CEP63: variants seen among roughly 807,000 people sequenced by gnomAD.
CEP63 encodes the protein centrosomal protein 63.
In CEP63, 84 loss-of-function variants were observed where a neutral mutation model predicts 89.1. The ratio of observed to expected loss-of-function variants is 0.94; its 90% CI spans 0.79 to 1.13. The LOEUF (loss-of-function observed/expected upper bound fraction) is 1.13, where lower values mean the gene tolerates loss of function less well. Among genes scored for constraint, CEP63 ranks in the 50% most tolerant of loss-of-function variants. The pLI, the probability that CEP63 is intolerant of heterozygous loss-of-function variation, is 0.00. For synonymous variants in CEP63, 267 were observed against 272.5 expected (o/e 0.98, Z 0.20); for missense variants, 838 against 813.3 (o/e 1.03, Z -0.37).
chr3:134,579,595 A>G (rs905435513), downstream of CEP63, among the ~76,000 whole-genome samples: 1 of 152,250 alleles, frequency 6.6e-6, no homozygotes, highest in Admixed American at 6.5e-5. Context: ...GGTGAAATGT[A>G]CATTCAAACC....
chr3:134,629,816 T>C, the CEP63 span: 1 of 655,742 alleles, frequency 1.5e-6, no homozygotes, highest in East Asian at 2.8e-5. Context: ...TGTGTACAAA[T>C]CATCCTTGTT....
the CEP63 span, among the ~76,000 whole-genome samples, chr3:134,742,900 A>C: frequency 6.6e-6 from 1 of 152,232 alleles, no homozygotes; most frequent in Non-Finnish European, 1.5e-5. Context: ...GTTCATTATA[A>C]ATTACCCAGT....
chr3:134,498,226 T>C (rs1266552853), intron 2 of CEP63, among the ~76,000 whole-genome samples: 3 of 152,098 alleles, frequency 2.0e-5, no homozygotes, highest in Non-Finnish European at 4.4e-5. Flanking sequence ...GTATCTTCAA[T>C]TTCCTTCATT....
intron 1 of CEP63, among the ~76,000 whole-genome samples, chr3:134,487,324 G>T (rs1312439317): frequency 6.6e-6 from 1 of 152,140 alleles, no homozygotes; most frequent in Non-Finnish European, 1.5e-5. Context: ...AGTGATCAGG[G>T]TAGTAAAAAG....
chr3:134,610,094 T>TCCCCTC, the CEP63 span: 8 of 1,305,262 alleles, frequency 6.1e-6, no homozygotes, highest in Non-Finnish European at 8.6e-6. Flanking sequence ...TGGCTCTCCT[T>TCCCCTC]CCCCTCCCGC....
chr3:134,730,612 T>C, the CEP63 span, among the ~76,000 whole-genome samples: 1 of 152,264 alleles, frequency 6.6e-6, no homozygotes, highest in East Asian at 1.9e-4. Flanking sequence ...GTGCAATTGA[T>C]AGAAAAACAA....
At chr3:134,604,018 T>C in the CEP63 span, 1 of 1,613,992 alleles carries the variant, frequency 6.2e-7, no homozygotes, top group Non-Finnish European at 8.5e-7. Context: ...CTTCTCCCGG[T>C]GCAGCTGGAA....
chr3:134,556,777 C>T (rs1051227232), intron 12 of CEP63, among the ~76,000 whole-genome samples: 10 of 152,094 alleles, frequency 6.6e-5, no homozygotes, highest in South Asian at 2.1e-4. Context: ...GATGTGTGCT[C>T]GCTACTCAGT....
At chr3:134,536,913 TG>T (rs1348139512) in intron 5 of CEP63, 2 of 480,652 alleles carry the variant, frequency 4.2e-6, no homozygotes, top group African/African-American at 3.9e-5. Flanking sequence ...AACATCTGCG[TG>T]TCATACTCCT....
In CEP63 at chr3:134,586,782, G is replaced by A. The variant is rs560279748; in HGVS notation, c.1207-676G>A. Among the ~76,000 whole-genome samples the A allele has an allele frequency of 3.3e-5, 5 of 152,258 alleles. No individual in the cohort carries two copies. The South Asian group carries it at 8.3e-4, about 25-fold the overall frequency. ...GTTCTCCTGTATAATATCCTGAAGA[G>A]TGTTTTCGAACTTGGTTCCATTCTC... On this transcript the variant is annotated intron_variant, in intron 10 of 10. Transcript: ENST00000683931.
the CEP63 span, among the ~76,000 whole-genome samples, chr3:134,742,507 T>G: frequency 6.6e-6 from 1 of 152,356 alleles, no homozygotes; most frequent in South Asian, 2.1e-4. Context: ...GCCAGTTTTC[T>G]GAGTGGTCTC....
chr3:134,597,430 C>T, the CEP63 span, among the ~76,000 whole-genome samples: 1 of 152,160 alleles, frequency 6.6e-6, no homozygotes, highest in African/African-American at 2.4e-5. Context: ...GAACCCTCAC[C>T]CAGTCTTTCC....
At chr3:134,661,866 G>A in the CEP63 span, among the ~76,000 whole-genome samples, 2 of 152,044 alleles carry the variant, frequency 1.3e-5, no homozygotes, top group African/African-American at 4.8e-5. Flanking sequence ...ATATCAAGAG[G>A]TGGAGGCTTT....
downstream of CEP63, among the ~76,000 whole-genome samples, chr3:134,569,482 CAAATCTT>C (rs1037592364): frequency 3.3e-5 from 5 of 152,238 alleles, no homozygotes; most frequent in Non-Finnish European, 7.3e-5. Flanking sequence ...GCGGGGCAGT[CAAATCTT>C]AAAGCTCCAA....
the CEP63 span, among the ~76,000 whole-genome samples, chr3:134,701,404 ATATACACACATATATATACG>A: frequency 3.8e-4 from 8 of 20,928 alleles, no homozygotes; most frequent in Admixed American, 1.5e-3. Flanking sequence ...GTATATATAC[ATATACACACATATATATACG>A]TATATATGTG....
At chr3:134,590,466 AT>A (rs1369216231), downstream of CEP63, among the ~76,000 whole-genome samples, 1 of 152,206 alleles carries the variant, frequency 6.6e-6, no homozygotes, top group Non-Finnish European at 1.5e-5. Context: ...ATACCTGCAA[AT>A]ACCCAGAAAC....
At chr3:134,642,523 A>G in the CEP63 span, among the ~76,000 whole-genome samples, 1 of 110,582 alleles carries the variant, frequency 9.0e-6, no homozygotes, top group African/African-American at 2.8e-5. Context: ...GTGTGCTCAG[A>G]TCCAGTCAAC....
chr3:134,562,275 G>C lies in CEP63; in HGVS notation c.*740G>C. ...TTGATGTGCCGCAGGCATTTGAAACGATGGGAGTTGATAAGATCCACCAGG... is the reference window on the plus strand; with the variant it reads ...TTGATGTGCCGCAGGCATTTGAAACCATGGGAGTTGATAAGATCCACCAGG... On this transcript the variant is annotated 3_prime_UTR_variant, in exon 15 of 15. Transcript: ENST00000675561. 1.4e-5 allele frequency: 13 copies of C among 950,168 alleles called. No individual in the cohort carries two copies. Among genetic ancestry groups the C allele is most frequent in the African/African-American group, 1.8e-5 (1 of 56,660 alleles). 58.9% of individuals were successfully genotyped at this position (950,168 alleles called of 1,614,324 possible).
the CEP63 span, among the ~76,000 whole-genome samples, chr3:134,766,046 T>G: frequency 6.6e-6 from 1 of 152,182 alleles, no homozygotes; most frequent in South Asian, 2.1e-4. Context: ...CCAAATATAT[T>G]TATCAACACA....
Sources: allele counts gnomAD v4.1 joint callset (sites outside exome capture counted in the v4.1 genomes callset), GRCh38; gene constraint gnomAD v4.1.1; transcripts MANE v1.5; gene names NCBI Gene and HGNC (gene_info 2026-07-23, HGNC 2026-07-21).